LRP1B: variants seen among roughly 807,000 people sequenced by gnomAD.
LRP1B encodes LDL receptor related protein 1B.
In LRP1B, 217 loss-of-function variants were observed where a neutral mutation model predicts 556.6. That is an observed-to-expected ratio of 0.39 (90% CI 0.35 to 0.44). The LOEUF is 0.44. Among genes scored for constraint, LRP1B ranks in the 20% least tolerant of loss-of-function variants. The pLI is 1.00. For missense variants in LRP1B, 5,053 were observed against 5,620.8 expected (o/e 0.90, Z 3.23); for synonymous variants, 2,047 against 1,865.8 (o/e 1.10, Z -2.50).
chr2:140,474,960 CAT>C (rs34984322), intron 60 of LRP1B, among the ~76,000 whole-genome samples, 176 bp downstream of exon 60: 11,933 of 151,622 alleles, frequency 0.079, 647 homozygotes, highest in Middle Eastern at 0.18. Context: ...TTGTGCATAA[CAT>C]ATAATTTTTG....
intron 41 of LRP1B, among the ~76,000 whole-genome samples, chr2:140,653,940 G>A (rs139946069): frequency 0.027 from 3,970 of 146,038 alleles, 163 homozygotes; most frequent in African/African-American, 0.095. Context: ...CAGGAGAATC[G>A]CTTGAACCTG....
At chr2:140,489,423 A>G (rs1384609397) in intron 57 of LRP1B, among the ~76,000 whole-genome samples, 1 of 152,082 alleles carries the variant, frequency 6.6e-6, no homozygotes, top group African/African-American at 2.4e-5. Flanking sequence ...AATAATGACT[A>G]TAAGTGCTAA....
chr2:141,726,179 A>G (rs984326258), intron 2 of LRP1B, among the ~76,000 whole-genome samples: 1 of 151,308 alleles, frequency 6.6e-6, no homozygotes, highest in Non-Finnish European at 1.5e-5. Flanking sequence ...TTCATAATAT[A>G]TTTTTAGGTA....
intron 3 of LRP1B, among the ~76,000 whole-genome samples, chr2:141,329,643 C>CAAAAAAAAAAAAA (rs71391650): frequency 3.5e-5 from 1 of 28,978 alleles, no homozygotes; most frequent in African/African-American, 1.9e-4. Flanking sequence ...GACTCTGTCT[C>CAAAAAAAAAAAAA]AAAAAAAAAA....
chr2:140,453,593 G>A (rs1558893018), intron 62 of LRP1B, among the ~76,000 whole-genome samples: 1 of 151,910 alleles, frequency 6.6e-6, no homozygotes, highest in Non-Finnish European at 1.5e-5. Flanking sequence ...TCTCAATATG[G>A]TAAAGTTTAG....
In LRP1B at chr2:140,916,660, C is replaced by T. The variant is rs139366695; in HGVS notation, c.3319+6305G>A. Among the ~76,000 whole-genome samples the T allele has an allele frequency of 4.2e-3, 645 of 152,222 alleles. 5 individuals are homozygous for T. Among genetic ancestry groups the T allele is most frequent in the Middle Eastern group, 0.024 (7 of 294 alleles). On this transcript the variant is annotated intron_variant, in intron 21 of 90. Coordinates refer to ENST00000389484, the MANE Select transcript of LRP1B (RefSeq NM_018557.3). ...GGAAGGTAGATGAGTCAGCACCAAA[C>T]TATCACAACTCTTAGAAAGGTAGTC... is the stretch of plus-strand genomic sequence containing the variant.
chr2:142,021,590 C>A (rs961661725), intron 1 of LRP1B, among the ~76,000 whole-genome samples: 1 of 152,018 alleles, frequency 6.6e-6, no homozygotes, highest in Non-Finnish European at 1.5e-5. Context: ...TCAAGGAAAG[C>A]TTTTATATAT....
intron 1 of LRP1B, among the ~76,000 whole-genome samples, chr2:142,108,310 T>C (rs1453290103): frequency 2.0e-5 from 3 of 152,166 alleles, no homozygotes; most frequent in Non-Finnish European, 4.4e-5. Context: ...TCTATATGTT[T>C]CAATTCCATG....
intron 41 of LRP1B, among the ~76,000 whole-genome samples, chr2:140,628,527 ACT>A (rs1683758294): frequency 8.3e-6 from 1 of 120,184 alleles, no homozygotes; most frequent in Non-Finnish European, 1.7e-5. Context: ...AAAGAATGAG[ACT>A]CTGTCTCGAA....
At chr2:141,188,310 TA>T in intron 7 of LRP1B, 110 bp downstream of exon 7, 1 of 1,039,510 alleles carries the variant, frequency 9.6e-7, no homozygotes, top group Non-Finnish European at 1.4e-6. Context: ...TCAACATTTC[TA>T]AAAAGTTTGA....
chr2:141,631,208 G>C (rs1218369953), intron 2 of LRP1B, among the ~76,000 whole-genome samples: 6 of 151,984 alleles, frequency 3.9e-5, no homozygotes, highest in Non-Finnish European at 8.8e-5. Flanking sequence ...ATCAGATCTT[G>C]TGAGAACTCA....
chr2:141,163,871 T>C (rs1186534545), intron 7 of LRP1B, among the ~76,000 whole-genome samples: 1 of 152,044 alleles, frequency 6.6e-6, no homozygotes, highest in African/African-American at 2.4e-5. Flanking sequence ...AATCCAAAAT[T>C]TATATCCTGC....
chr2:140,310,336 T>G (rs1339394382), intron 83 of LRP1B, among the ~76,000 whole-genome samples: 1 of 150,970 alleles, frequency 6.6e-6, no homozygotes, highest in Non-Finnish European at 1.5e-5. Flanking sequence ...AATCTACAGA[T>G]TCAATGCAAT....
rs1279662531 is a variant in LRP1B at position 140,868,224 on chromosome 2, G to A, written c.4209C>T (p.Arg1403=). 6.3e-7 allele frequency: 1 copy of A among 1,594,754 alleles called. No individual in the cohort carries two copies. The highest frequency in any genetic ancestry group is 8.5e-7 in the Non-Finnish European group (1 of 1,173,120). ...FWTDWDANFP[R]IESASMSGAG... is the part of the protein sequence containing the mutation. ...CACCACTCATAGAGGCAGATTCAAT[G>A]CGAGGAAAATTTGCATCCCAGTCTG... The change falls in exon 26 of 91, where the codon CGC becomes CGT. Residue 1403 remains arginine, a synonymous_variant. Transcript: ENST00000389484.
chr2:140,906,653 G>A (rs1270999389), intron 22 of LRP1B, among the ~76,000 whole-genome samples: 1 of 152,006 alleles, frequency 6.6e-6, no homozygotes, highest in Non-Finnish European at 1.5e-5. Context: ...GCTTGTTGAA[G>A]TCTAGTTTTT....
chr2:141,931,595 T>G (rs1367656158), intron 1 of LRP1B, among the ~76,000 whole-genome samples: 1 of 152,044 alleles, frequency 6.6e-6, no homozygotes, highest in Non-Finnish European at 1.5e-5. Context: ...AAATTTTCTA[T>G]GGCTAAAAAT....
At chr2:140,722,751 A>T (rs1166797424) in intron 35 of LRP1B, among the ~76,000 whole-genome samples, 1 of 152,218 alleles carries the variant, frequency 6.6e-6, no homozygotes, top group Non-Finnish European at 1.5e-5. Flanking sequence ...CTATTATTAA[A>T]TAGTAAAGGG....
chr2:140,506,941 T>C (rs1400763823), intron 52 of LRP1B, 23 bp from the exon 53 acceptor site: 4 of 1,611,562 alleles, frequency 2.5e-6, no homozygotes, highest in Non-Finnish European at 3.4e-6. Flanking sequence ...TCACAAAAAA[T>C]AAAGTTAGAT....
At chr2:141,140,668 C>G (rs2105054615) in intron 7 of LRP1B, among the ~76,000 whole-genome samples, 1 of 152,202 alleles carries the variant, frequency 6.6e-6, no homozygotes, top group Admixed American at 6.5e-5. Context: ...TAGGGGAAAC[C>G]AAACCTGCTG....
Sources: gnomAD v4.1 joint callset for allele counts (sites outside exome capture counted in the v4.1 genomes callset) on GRCh38, gnomAD v4.1.1 for gene constraint, MANE v1.5 for transcripts, NCBI Gene and HGNC (gene_info 2026-07-23, HGNC 2026-07-21) for gene names.